Variants in SLC25A26 observed in about 807,000 individuals in gnomAD.
The protein encoded by SLC25A26 is mitochondrial S-adenosylmethionine carrier protein.
In SLC25A26, 36 loss-of-function variants were observed where a neutral mutation model predicts 37.8. The observed-to-expected ratio is 0.95, with a 90% CI of 0.73 to 1.26. The LOEUF (loss-of-function observed/expected upper bound fraction) is 1.26, where lower values mean the gene tolerates loss of function less well. Among genes scored for constraint, SLC25A26 ranks in the 50% most tolerant of loss-of-function variants. The probability of loss-of-function intolerance (pLI) is 0.00; values close to 1 mark genes in which losing one functional copy is unlikely to be tolerated. For synonymous variants in SLC25A26, 129 were observed against 122.5 expected (o/e 1.05, Z -0.35); for missense variants, 390 against 331.1 (o/e 1.18, Z -1.38).
chr3:66,265,172 A>C (rs923961812), intron 5 of SLC25A26, among the ~76,000 whole-genome samples: 1 of 151,926 alleles, frequency 6.6e-6, no homozygotes, highest in African/African-American at 2.4e-5. Flanking sequence ...CTAGCTGGGC[A>C]TGGTGGTGCC....
At chr3:66,350,690 C>CCCTG (rs1268164401) in intron 6 of SLC25A26, among the ~76,000 whole-genome samples, 9 of 111,062 alleles carry the variant, frequency 8.1e-5, no homozygotes, top group African/African-American at 5.0e-4. Flanking sequence ...CTGCCCTATA[C>CCCTG]TCTGTGTGTG....
At chr3:66,236,828 G>T in intron 2 of SLC25A26, 128 bp downstream of exon 2, 1 of 650,746 alleles carries the variant, frequency 1.5e-6, no homozygotes, top group Non-Finnish European at 2.3e-6. Context: ...TCTTTAACCT[G>T]GTGTCATTAT....
chr3:66,308,261 C>G (rs907463067), intron 5 of SLC25A26, among the ~76,000 whole-genome samples: 2 of 152,120 alleles, frequency 1.3e-5, no homozygotes, highest in Non-Finnish European at 2.9e-5. Flanking sequence ...CTCTTTGTAG[C>G]AGTTGTGAAT....
At chr3:66,274,148 G>A (rs2074050818) in intron 5 of SLC25A26, among the ~76,000 whole-genome samples, 2 of 151,150 alleles carry the variant, frequency 1.3e-5, no homozygotes, top group Non-Finnish European at 3.0e-5. Context: ...AAGCAATGGG[G>A]AAAGGATTCC....
chr3:66,374,353 C>G (rs1013302145), intron 9 of SLC25A26, among the ~76,000 whole-genome samples: 1 of 152,112 alleles, frequency 6.6e-6, no homozygotes, highest in African/African-American at 2.4e-5. Context: ...TGTGATCAGC[C>G]GTCTTCGATG....
intron 8 of SLC25A26, among the ~76,000 whole-genome samples, chr3:66,370,235 A>G (rs1700271847): frequency 6.6e-6 from 1 of 152,330 alleles, no homozygotes; most frequent in South Asian, 2.1e-4. Context: ...CCCTCCTCAC[A>G]TTGCTTCATA....
intron 3 of SLC25A26, among the ~76,000 whole-genome samples, chr3:66,260,655 G>C (rs1012194492): frequency 6.6e-6 from 1 of 152,194 alleles, no homozygotes; most frequent in Non-Finnish European, 1.5e-5. Context: ...GTCATGGGGT[G>C]CTCGGGCTTA....
chr3:66,267,390 C>G (rs879709611), intron 5 of SLC25A26, among the ~76,000 whole-genome samples: 1 of 152,186 alleles, frequency 6.6e-6, no homozygotes, highest in Non-Finnish European at 1.5e-5. Flanking sequence ...GGAGGGCCTT[C>G]AAGAGAGCAC....
At chr3:66,183,944 A>G (rs2070765333) in intron 1 of SLC25A26, among the ~76,000 whole-genome samples, 1 of 151,832 alleles carries the variant, frequency 6.6e-6, no homozygotes, top group African/African-American at 2.4e-5. Context: ...AACCTACTAG[A>G]CACTCAGTCT....
chr3:66,348,787 T>G (rs554316067), intron 6 of SLC25A26, among the ~76,000 whole-genome samples: 13 of 152,364 alleles, frequency 8.5e-5, no homozygotes, highest in Non-Finnish European at 1.6e-4. Flanking sequence ...TCTTTTGTTG[T>G]CTTGTTTGTT....
chr3:66,175,298 C>T (rs752435226), intron 1 of SLC25A26, among the ~76,000 whole-genome samples: 12 of 151,860 alleles, frequency 7.9e-5, no homozygotes, highest in Middle Eastern at 3.2e-3. Context: ...GATCTTGGCT[C>T]ATTGAAACCT....
intron 5 of SLC25A26, 33 bp downstream of exon 5, chr3:66,263,412 A>G: frequency 1.5e-6 from 2 of 1,376,614 alleles, no homozygotes; most frequent in Middle Eastern, 3.6e-4. Context: ...TTGAAGTACG[A>G]AAGAATGATG....
intron 1 of SLC25A26, among the ~76,000 whole-genome samples, chr3:66,195,426 C>A (rs1273429963): frequency 1.3e-5 from 2 of 152,248 alleles, no homozygotes; most frequent in African/African-American, 4.8e-5. Flanking sequence ...CTGCAACGGC[C>A]TGACAAGGAT....
At chr3:66,276,694 T>C (rs2074160490) in intron 5 of SLC25A26, among the ~76,000 whole-genome samples, 1 of 152,046 alleles carries the variant, frequency 6.6e-6, no homozygotes, top group Admixed American at 6.6e-5. Flanking sequence ...TGGGAAAAGG[T>C]TGATAATCTT....
In SLC25A26 at chr3:66,372,770, A is replaced by AG. The variant is rs1406213090; in HGVS notation, c.707+2170dup. Among the ~76,000 whole-genome samples the AG allele has an allele frequency of 2.0e-5, 3 of 152,224 alleles. No homozygotes were observed. The South Asian group carries it at 6.2e-4, about 32-fold the overall frequency. On this transcript the variant is annotated intron_variant, in intron 9 of 9. Coordinates refer to ENST00000354883, the MANE Select transcript of SLC25A26 (RefSeq NM_001379210.1). ...AAACCTGGGTGGCTGTTGTGAACAGAGGTCCCAGGCACCCTCAGCCTGAAG... is the reference window on the plus strand; with the variant it reads ...AAACCTGGGTGGCTGTTGTGAACAGAGGGTCCCAGGCACCCTCAGCCTGAAG...
intron 1 of SLC25A26, among the ~76,000 whole-genome samples, chr3:66,156,186 G>T (rs747935020): frequency 6.6e-6 from 1 of 152,120 alleles, no homozygotes; most frequent in Non-Finnish European, 1.5e-5. Context: ...CAACAGCAAG[G>T]GCACAGTGCT....
chr3:66,270,313 A>G (rs2073914297), intron 5 of SLC25A26, among the ~76,000 whole-genome samples: 1 of 152,228 alleles, frequency 6.6e-6, no homozygotes, highest in Non-Finnish European at 1.5e-5. Flanking sequence ...AAAAAAAATG[A>G]TTCAAAATCT....
chr3:66,270,048 C>G (rs990803768), intron 5 of SLC25A26, among the ~76,000 whole-genome samples: 1 of 152,084 alleles, frequency 6.6e-6, no homozygotes, highest in African/African-American at 2.4e-5. Context: ...ACGTCATGAT[C>G]ATTTCAGAAA....
upstream of SLC25A26, among the ~76,000 whole-genome samples, chr3:66,219,044 G>C (rs1459841217): frequency 6.6e-6 from 1 of 152,188 alleles, no homozygotes; most frequent in Non-Finnish European, 1.5e-5. Flanking sequence ...AATTTGTTAC[G>C]CAGAAATAGA....
Sources: allele counts gnomAD v4.1 joint callset (sites outside exome capture counted in the v4.1 genomes callset), GRCh38; gene constraint gnomAD v4.1.1; transcripts MANE v1.5; gene names NCBI Gene and HGNC (gene_info 2026-07-23, HGNC 2026-07-21).